The following CNIH3 variants were observed in gnomAD, a reference collection of about 807,000 sequenced individuals.
CNIH3 encodes cornichon family AMPA receptor auxiliary protein 3.
CNIH3 carries 14 observed loss-of-function variants against 24.1 expected under a neutral mutation model. That is an observed-to-expected ratio of 0.58 (90% CI 0.38 to 0.91). CNIH3 has a LOEUF of 0.91. Among genes scored for constraint, CNIH3 ranks in the 40% least tolerant of loss-of-function variants. The probability of loss-of-function intolerance (pLI) is 0.00; values close to 1 mark genes in which losing one functional copy is unlikely to be tolerated. For missense variants in CNIH3, 178 were observed against 196.8 expected, an observed-to-expected ratio of 0.90 and a Z score of 0.57; for synonymous variants, 68 against 73.8, an observed-to-expected ratio of 0.92 and a Z score of 0.40.
chr1:224,610,303 C>T (rs1572575712), intron 3 of CNIH3, among the ~76,000 whole-genome samples: 1 of 152,292 alleles, frequency 6.6e-6, no homozygotes, highest in East Asian at 1.9e-4. Flanking sequence ...GTTCTGTGTT[C>T]CCACCCAGAT....
At chr1:224,535,738 G>C (rs1297376653) in intron 2 of CNIH3, among the ~76,000 whole-genome samples, 1 of 152,188 alleles carries the variant, frequency 6.6e-6, no homozygotes, top group African/African-American at 2.4e-5. Flanking sequence ...ATGCAAGGGA[G>C]GGCTGCTGCC....
downstream of CNIH3, among the ~76,000 whole-genome samples, chr1:224,538,665 T>TC (rs1176788861): frequency 0.013 from 1,816 of 143,334 alleles, 40 homozygotes; most frequent in African/African-American, 0.044. Context: ...CTCTCTCTCT[T>TC]TTTTTTTTTT....
intron 3 of CNIH3, among the ~76,000 whole-genome samples, chr1:224,688,221 A>C (rs1214263819): frequency 6.6e-6 from 1 of 152,176 alleles, no homozygotes; most frequent in Non-Finnish European, 1.5e-5. Context: ...TAAGTTTAGG[A>C]GGGTGATTTC....
In CNIH3 at chr1:224,461,378, G is replaced by A. The variant is rs1675906640; in HGVS notation, n.203+26516G>A. The stretch of plus-strand genomic sequence containing the variant: ...GCATTATACATTTTAAACAACATGA[G>A]TTTATAGCCAGTATGGCTTTTACTC... On this transcript the variant is annotated intron_variant and non_coding_transcript_variant, in intron 1 of 5. Coordinates refer to the CNIH3 transcript ENST00000471578. 2.0e-5 allele frequency among the ~76,000 whole-genome samples: 3 copies of A among 152,130 alleles called. No homozygotes were observed. In the South Asian group the frequency reaches 6.2e-4, roughly 32 times the overall value.
intron 5 of CNIH3, among the ~76,000 whole-genome samples, chr1:224,585,571 TGG>T (rs1681470426): frequency 6.6e-6 from 1 of 152,020 alleles, no homozygotes; most frequent in African/African-American, 2.4e-5. Flanking sequence ...CTTGAACTCT[TGG>T]GCTCAAGCGG....
intron 1 of CNIH3, among the ~76,000 whole-genome samples, chr1:224,669,277 A>C (rs1161280265): frequency 1.6e-4 from 25 of 152,140 alleles, no homozygotes; most frequent in Non-Finnish European, 7.3e-5. Flanking sequence ...TGTCAGAACC[A>C]GCTGTGTCTG....
At chr1:224,533,706 T>C (rs1679171257) in intron 2 of CNIH3, among the ~76,000 whole-genome samples, 1 of 152,204 alleles carries the variant, frequency 6.6e-6, no homozygotes, top group Non-Finnish European at 1.5e-5. Context: ...CCTGCATGTC[T>C]GTCCCTGTGT....
intron 3 of CNIH3, among the ~76,000 whole-genome samples, chr1:224,597,761 T>C (rs1682047333): frequency 6.6e-6 from 1 of 152,216 alleles, no homozygotes; most frequent in Non-Finnish European, 1.5e-5. Flanking sequence ...TTTCCATGAG[T>C]TCTGTGAGCT....
intron 1 of CNIH3, among the ~76,000 whole-genome samples, chr1:224,480,659 C>A (rs547916525): frequency 6.6e-6 from 1 of 152,122 alleles, no homozygotes; most frequent in African/African-American, 2.4e-5. Context: ...AGGGCAGGGG[C>A]GAAATGCTGC....
intron 2 of CNIH3, among the ~76,000 whole-genome samples, chr1:224,681,628 C>T (rs1036345581): frequency 6.6e-6 from 1 of 152,186 alleles, no homozygotes; most frequent in African/African-American, 2.4e-5. Context: ...GCTTGTCTGG[C>T]TTGGCAGGCC....
intron 4 of CNIH3, among the ~76,000 whole-genome samples, chr1:224,572,820 A>T (rs888712747): frequency 1.3e-5 from 2 of 152,084 alleles, no homozygotes; most frequent in East Asian, 1.9e-4. Context: ...TCAGTGTGCA[A>T]GTCTTTTGCT....
chr1:224,728,791 G>A (rs1407910829), intron 3 of CNIH3, among the ~76,000 whole-genome samples: 1 of 152,192 alleles, frequency 6.6e-6, no homozygotes, highest in African/African-American at 2.4e-5. Context: ...CATATCTAAT[G>A]CCAGCCAGCC....
chr1:224,574,393 G>T, intron 4 of CNIH3: 1 of 491,062 alleles, frequency 2.0e-6, no homozygotes, highest in Non-Finnish European at 3.6e-6. Context: ...GAGTCACTGA[G>T]GTACATGGTT....
chr1:224,481,047 T>A (rs1365555485), intron 1 of CNIH3, among the ~76,000 whole-genome samples: 2 of 152,254 alleles, frequency 1.3e-5, no homozygotes, highest in African/African-American at 2.4e-5. Context: ...CAGTTCCACG[T>A]GCCTGGGGAG....
rs558633847 is a variant in CNIH3 at position 224,551,383 on chromosome 1, T to G, written n.450+4444T>G. ...GTGGCACATATACACCATGAAATAC[T>G]ATGCAGCCATAAAAAATGATGAGTT... On this transcript the variant is annotated intron_variant and non_coding_transcript_variant, in intron 3 of 5. Transcript: ENST00000471578. 4.6e-5 allele frequency among the ~76,000 whole-genome samples: 7 copies of G among 152,278 alleles called. No individual in the cohort carries two copies. In the East Asian group the frequency reaches 1.4e-3, roughly 29 times the overall value.
chr1:224,690,319 G>A (rs1686868698), intron 3 of CNIH3, among the ~76,000 whole-genome samples: 1 of 152,152 alleles, frequency 6.6e-6, no homozygotes, highest in Non-Finnish European at 1.5e-5. Context: ...TCCTGCCTCA[G>A]CCTCCTGAGT....
intron 5 of CNIH3, among the ~76,000 whole-genome samples, chr1:224,735,087 G>A (rs535107401): frequency 1.3e-5 from 2 of 152,198 alleles, no homozygotes; most frequent in East Asian, 3.9e-4. Context: ...AGGGGCTCAG[G>A]CTCATCCTCA....
chr1:224,478,675 G>A (rs1676680940), intron 1 of CNIH3, among the ~76,000 whole-genome samples: 1 of 152,084 alleles, frequency 6.6e-6, no homozygotes, highest in Non-Finnish European at 1.5e-5. Flanking sequence ...GTTTGCTGAG[G>A]TCCTGGATAG....
intron 3 of CNIH3, among the ~76,000 whole-genome samples, chr1:224,599,544 AT>A (rs543707751): frequency 2.7e-4 from 41 of 151,898 alleles, no homozygotes; most frequent in African/African-American, 9.1e-4. Flanking sequence ...TATCATATTT[AT>A]ATTATATAGA....
Sources: gnomAD v4.1 joint callset for allele counts (sites outside exome capture counted in the v4.1 genomes callset) on GRCh38, gnomAD v4.1.1 for gene constraint, MANE v1.5 for transcripts, NCBI Gene and HGNC (gene_info 2026-07-23, HGNC 2026-07-21) for gene names.